Variants in CCDC157 observed in about 807,000 individuals in gnomAD.
The protein encoded by CCDC157 is coiled-coil domain containing 157, also known as coiled-coil domain-containing protein 157.
A neutral mutation model predicts 70.9 loss-of-function variants in CCDC157; 60 were observed. The ratio of observed to expected loss-of-function variants is 0.85; its 90% confidence interval spans 0.69 to 1.05. CCDC157 has a LOEUF of 1.05. Among genes scored for constraint, CCDC157 ranks in the 50% least tolerant of loss-of-function variants. The pLI is 0.00. For missense variants in CCDC157, 943 were observed against 984.2 expected (o/e 0.96, Z 0.56); for synonymous variants, 373 against 422.4 (o/e 0.88, Z 1.43).
At chr22:30,369,998 G>A in intron 4 of CCDC157, 1 of 491,672 alleles carries the variant, frequency 2.0e-6, no homozygotes, top group South Asian at 2.6e-5. Flanking sequence ...TGGTTATGGT[G>A]ACACAAGAGC....
chr22:30,357,519 T>G (rs745705874), intron 1 of CCDC157, among the ~76,000 whole-genome samples: 21 of 152,156 alleles, frequency 1.4e-4, no homozygotes, highest in Non-Finnish European at 4.4e-5. Flanking sequence ...TTTTCTTTTT[T>G]TCTGAGACAA....
chr22:30,372,206 G>T lies in CCDC157; in HGVS notation c.1255G>T (p.Ala419Ser). 6.3e-7 allele frequency: 1 copy of T among 1,593,648 alleles called. No homozygotes were observed. Among genetic ancestry groups the T allele is most frequent in the Admixed American group, 1.8e-5 (1 of 56,266 alleles). ...GCTGTTGGTGGGTCGGCTGGAGGGC[G>T]CTGGCCAGCAGGTCTGCTGGGCCAG... Reference protein sequence around the residue: ...VQLLVGRLEGAGQQVCWASTE... With the variant: ...VQLLVGRLEGSGQQVCWASTE... The change falls in exon 7 of 12, where the codon GCT becomes TCT. Residue 419 changes from alanine to serine, a missense_variant. By Grantham distance (99) the Ala-to-Ser change is moderately conservative (BLOSUM62 1). Transcript: ENST00000338306.
chr22:30,366,279 A>ATCTCG lies in CCDC157; in HGVS notation c.248+31_248+32insTCTCG, dbSNP rs775039007. On this transcript the variant is annotated intron_variant, in intron 3 of 11. Coordinates refer to ENST00000338306, the MANE Select transcript of CCDC157 (RefSeq NM_001017437.5). ...GGCCTTGACCAAGCCTGGTCATCTCAGGATGCCAGCACCTGCCCCTGAAAC... is the reference window on the plus strand; with the variant it reads ...GGCCTTGACCAAGCCTGGTCATCTCATCTCGGGATGCCAGCACCTGCCCCTGAAAC... 9 of 1,609,400 alleles carry ATCTCG rather than the reference A, an allele frequency of 5.6e-6. No individual in the cohort carries two copies. The South Asian group carries it at 8.8e-5, about 16-fold the overall frequency.
At chr22:30,357,317 C>T (rs1018496836) in intron 1 of CCDC157, among the ~76,000 whole-genome samples, 185 bp downstream of exon 1, 1 of 152,196 alleles carries the variant, frequency 6.6e-6, no homozygotes, top group African/African-American at 2.4e-5. Context: ...CACTTCCCTA[C>T]TCCCTTAGTC....
chr22:30,377,586 C>G lies in CCDC157; in HGVS notation c.*841C>G, dbSNP rs1162212714. Reference sequence around the variant, plus strand: ...CTCCCAAATGCCTGAAGCATTTTCCCTTGGTGAAGAGGCCGTCAGGTAGAG... The same window carrying G: ...CTCCCAAATGCCTGAAGCATTTTCCGTTGGTGAAGAGGCCGTCAGGTAGAG... On this transcript the variant is annotated 3_prime_UTR_variant, in exon 12 of 12. Transcript: ENST00000338306. The G allele has an allele frequency of 6.5e-6, 1 of 153,612 alleles. No individual in the cohort carries two copies. The highest frequency in any genetic ancestry group is 1.9e-4 in the East Asian group (1 of 5,226). The allele number at this position is 153,612 out of a possible 1,614,324, so 9.5% of individuals were successfully genotyped here. A position where few individuals can be genotyped will look rare whatever the true frequency, so the allele number is the denominator to read the frequency against.
chr22:30,376,430 C>T lies in CCDC157; in HGVS notation c.1947-3C>T. ...GGGGATCTTGGATCTGGTTTTCCTTCAGGCCTCTGGGCAGACAGCACCTTC... is the reference window on the plus strand; with the variant it reads ...GGGGATCTTGGATCTGGTTTTCCTTTAGGCCTCTGGGCAGACAGCACCTTC... On this transcript the variant is annotated splice_region_variant and splice_polypyrimidine_tract_variant and intron_variant, in intron 11 of 11. Transcript: ENST00000338306. 6.2e-7 allele frequency: 1 copy of T among 1,613,922 alleles called. No individual in the cohort carries two copies.
Position 30,378,265 on chromosome 22 carries a change from C to T in CCDC157, c.*1520C>T. ...ATAGGCTCATGTGGTTAGGGCAAGG[C>T]TCACACTCAAATACTTTCCCTATCT... On this transcript the variant is annotated 3_prime_UTR_variant, in exon 12 of 12. Coordinates refer to ENST00000338306, the MANE Select transcript of CCDC157 (RefSeq NM_001017437.5). 1 of 431,328 alleles carries T rather than the reference C, an allele frequency of 2.3e-6. No individual in the cohort carries two copies. Among genetic ancestry groups the T allele is most frequent in the Non-Finnish European group, 4.9e-6 (1 of 205,648 alleles). The allele number at this position is 431,328 out of a possible 1,614,324, so 26.7% of individuals were successfully genotyped here. A position where few individuals can be genotyped will look rare whatever the true frequency, so the allele number is the denominator to read the frequency against.
chr22:30,366,051 C>A lies in CCDC157; in HGVS notation c.51C>A (p.Asp17Glu), dbSNP rs947224409. 8 of 1,606,326 alleles carry A rather than the reference C, an allele frequency of 5.0e-6. No homozygotes were observed. The highest frequency in any genetic ancestry group is 1.7e-5 in the Admixed American group (1 of 60,018). ...CCTGCATGGAGAGCCTGCGCACAGA[C>A]CTCACCGACCTGCAGGGTGCCATCG... is the stretch of plus-strand genomic sequence containing the variant. ...SQACMESLRT[D>E]LTDLQGAIVD... is the part of the protein sequence containing the mutation. The change falls in exon 3 of 12, where the codon GAC becomes GAA. Residue 17 changes from aspartate to glutamate, a missense_variant. Asp to Glu is a conservative substitution (Grantham distance 45). Coordinates refer to ENST00000338306, the MANE Select transcript of CCDC157 (RefSeq NM_001017437.5).
rs1933141917 is a variant in CCDC157 at position 30,373,940 on chromosome 22, G to C, written c.1521G>C (p.Leu507=). 6.2e-7 allele frequency: 1 copy of C among 1,611,552 alleles called. No individual in the cohort carries two copies. The highest frequency in any genetic ancestry group is 8.5e-7 in the Non-Finnish European group (1 of 1,179,038). ...LRAQQELLQS[L]QREKQGLEQA... ...TGTCCCAGGAGCTGCTGCAGAGCCTGCAGAGGGAGAAGCAAGGCCTGGAGC... is the reference window on the plus strand; with the variant it reads ...TGTCCCAGGAGCTGCTGCAGAGCCTCCAGAGGGAGAAGCAAGGCCTGGAGC... The change falls in exon 9 of 12, where the codon CTG becomes CTC. Residue 507 remains leucine, a synonymous_variant. Transcript: ENST00000338306.
rs147530673 is a variant in CCDC157 at position 30,370,538 on chromosome 22, C to T, written c.633C>T (p.Ser211=). 16,608 of 1,614,066 alleles carry T rather than the reference C, an allele frequency of 0.01. 176 individuals are homozygous for T. Among genetic ancestry groups the T allele is most frequent in the Non-Finnish European group, 0.01 (12,176 of 1,180,042 alleles). ...TTFKNTRSVH[S]QTIETALVPC... ...TCAAGAACACCAGGAGTGTCCACTCCCAGACCATTGAGACGGCCCTGGTGC... is the reference window on the plus strand; with the variant it reads ...TCAAGAACACCAGGAGTGTCCACTCTCAGACCATTGAGACGGCCCTGGTGC... Residue 211 remains serine, a synonymous_variant, in exon 5 of 12, where the codon TCC becomes TCT. Coordinates refer to ENST00000338306, the MANE Select transcript of CCDC157 (RefSeq NM_001017437.5).
At position 30,370,714 on chromosome 22, in the gene CCDC157, CCACCGTG is replaced by C; in HGVS notation, c.810_816del (p.Thr271AlafsTer11). ...ATGGGGCTCAGGCCACTGCCGGCTG[CCACCGTG>C]GGCCGCTGGGCAGCAGAGCAGAGGA... On this transcript the variant is annotated frameshift_variant, in exon 5 of 12. Coordinates refer to ENST00000338306, the MANE Select transcript of CCDC157 (RefSeq NM_001017437.5). LOFTEE classifies it high-confidence loss of function. The C allele has an allele frequency of 1.2e-6, 2 of 1,613,406 alleles. No individual in the cohort carries two copies. The highest frequency in any genetic ancestry group is 1.7e-6 in the Non-Finnish European group (2 of 1,179,832).
intron 1 of CCDC157, among the ~76,000 whole-genome samples, chr22:30,358,920 C>T (rs1932140878): frequency 6.6e-6 from 1 of 152,220 alleles, no homozygotes. Context: ...TTAAACTATG[C>T]TTGTATCTGC....
rs746704489 is a variant in CCDC157, at chr22:30,373,976, G to A, written c.1557G>A (p.Thr519=). The A allele has an allele frequency of 2.0e-4, 316 of 1,612,846 alleles. No individual in the cohort carries two copies. Among genetic ancestry groups the A allele is most frequent in the Non-Finnish European group, 2.4e-4 (289 of 1,179,630 alleles). ...REKQGLEQAT[T]DLRLTILELE... ...AGCAAGGCCTGGAGCAGGCGACTAC[G>A]GACCTGCGGCTAACCATCCTGGAGC... Residue 519 remains threonine (T), a synonymous_variant, in exon 9 of 12, where the codon ACG becomes ACA. Coordinates refer to ENST00000338306, the MANE Select transcript of CCDC157 (RefSeq NM_001017437.5).
chr22:30,371,707 GGGAGTCCACACA>G lies in CCDC157; in HGVS notation c.1106_1117del (p.Glu369_Gln372del). ...CTGGAGAGAGAACTGAAACAGCAGCGGGAGTCCACACAGGCTGTGGGTAAGGAGCCCCATCAT... is the reference window on the plus strand; with the variant it reads ...CTGGAGAGAGAACTGAAACAGCAGCGGGCTGTGGGTAAGGAGCCCCATCAT... On this transcript the variant is annotated inframe_deletion, in exon 6 of 12. Transcript: ENST00000338306. 3 of 1,614,050 alleles carry G rather than the reference GGGAGTCCACACA, an allele frequency of 1.9e-6. No individual in the cohort carries two copies. The highest frequency in any genetic ancestry group is 1.7e-4 in the Middle Eastern group (1 of 6,058).
intron 2 of CCDC157, among the ~76,000 whole-genome samples, chr22:30,364,299 C>G (rs570365755): frequency 5.1e-4 from 78 of 151,866 alleles, no homozygotes; most frequent in Non-Finnish European, 8.4e-4. Flanking sequence ...GAGGGTGCCA[C>G]TGCACTCCAG....
At position 30,370,477 on chromosome 22, in the gene CCDC157, C is replaced by T. The variant is rs12167903; in HGVS notation, c.572C>T (p.Pro191Leu). 6,674 of 1,614,110 alleles carry T rather than the reference C, an allele frequency of 4.1e-3. 224 individuals are homozygous for T. In the African/African-American group the frequency reaches 0.075, roughly 18 times the overall value. Residue 191 changes from proline to leucine, a missense_variant, in exon 5 of 12, where the codon CCT becomes CTT. Transcript: ENST00000338306. The part of the protein sequence containing the change: ...PQTCQEPESI[P>L]VRASLQFPAT... ...ACCTGCCAAGAGCCAGAGAGCATCC[C>T]TGTCAGAGCCTCCCTGCAGTTCCCA... is the stretch of plus-strand genomic sequence containing the variant.
intron 2 of CCDC157, among the ~76,000 whole-genome samples, chr22:30,362,786 T>C (rs1932439142): frequency 6.6e-6 from 1 of 151,852 alleles, no homozygotes; most frequent in Non-Finnish European, 1.5e-5. Flanking sequence ...TCCTGGGACA[T>C]GGGGGTAGAG....
chr22:30,374,737 GA>G (rs1475021374), intron 9 of CCDC157: 3 of 456,700 alleles, frequency 6.6e-6, no homozygotes, highest in Non-Finnish European at 1.3e-5. Flanking sequence ...CCCATAGCAG[GA>G]AACTGAACCA....
rs1489943927 is a variant in CCDC157, at chr22:30,377,927, G to C, written c.*1182G>C. The C allele has an allele frequency of 5.8e-6, 2 of 344,174 alleles. No individual in the cohort carries two copies. Among genetic ancestry groups the C allele is most frequent in the African/African-American group, 4.3e-5 (2 of 46,550 alleles). 21.3% of individuals were successfully genotyped at this position (344,174 alleles called of 1,614,324 possible). ...CTGTGTGGCTGGGTTTTTTTGCTCC[G>C]GGTCCCAGAGGGCTGAAATTGAGGC... is the stretch of plus-strand genomic sequence containing the variant. On this transcript the variant is annotated 3_prime_UTR_variant, in exon 12 of 12. Transcript: ENST00000338306.
Sources: gnomAD v4.1 joint callset for allele counts (sites outside exome capture counted in the v4.1 genomes callset) on GRCh38, gnomAD v4.1.1 for gene constraint, MANE v1.5 for transcripts, NCBI Gene and HGNC (gene_info 2026-07-23, HGNC 2026-07-21) for gene names.